AGBL4: variants seen among roughly 807,000 people sequenced by gnomAD.
AGBL4 encodes the protein cytosolic carboxypeptidase 6.
In AGBL4, 58 loss-of-function variants were observed where a neutral mutation model predicts 66.4. That is an observed-to-expected ratio of 0.87 (90% CI 0.71 to 1.09). The LOEUF is 1.09. Among genes scored for constraint, AGBL4 ranks in the 50% least tolerant of loss-of-function variants. The pLI is 0.00. For synonymous variants in AGBL4, 234 were observed against 222.9 expected, an observed-to-expected ratio of 1.05 and a Z score of -0.44; for missense variants, 579 against 631.0, an observed-to-expected ratio of 0.92 and a Z score of 0.88.
intron 2 of AGBL4, among the ~76,000 whole-genome samples, chr1:49,704,502 G>C (rs1647164218): frequency 1.3e-5 from 2 of 151,850 alleles, no homozygotes; most frequent in Admixed American, 6.6e-5. Flanking sequence ...AACATGTGTA[G>C]AAGAAAATAT....
At chr1:49,415,142 T>C (rs959532149) in intron 3 of AGBL4, among the ~76,000 whole-genome samples, 1 of 152,166 alleles carries the variant, frequency 6.6e-6, no homozygotes, top group African/African-American at 2.4e-5. Flanking sequence ...GCCCAAGGAC[T>C]GTCTCTGTCC....
chr1:48,809,739 T>C (rs1463235980), intron 6 of AGBL4, among the ~76,000 whole-genome samples: 1 of 152,180 alleles, frequency 6.6e-6, no homozygotes, highest in African/African-American at 2.4e-5. Context: ...AAACTCTAAA[T>C]TACTCTTAGG....
At position 48,594,908 on chromosome 1, in the gene AGBL4, C is replaced by T. The variant is rs542956074; in HGVS notation, c.952-3923G>A. ...TTGCCCTTCTGCATGGGTAGCTACA[C>T]GTAAAAAAATGATGATATCCTAAGA... On this transcript the variant is annotated intron_variant, in intron 9 of 13. Transcript: ENST00000371839. Among the ~76,000 whole-genome samples, 8 of 151,998 alleles carry T rather than the reference C, an allele frequency of 5.3e-5. No individual in the cohort carries two copies. In the South Asian group the frequency reaches 6.2e-4, roughly 12 times the overall value.
At chr1:49,040,349 C>T (rs1643905889) in intron 5 of AGBL4, among the ~76,000 whole-genome samples, 1 of 152,068 alleles carries the variant, frequency 6.6e-6, no homozygotes, top group African/African-American at 2.4e-5. Context: ...AAAACTGTAA[C>T]CCTCCTACAT....
chr1:48,900,304 T>G (rs886141878), intron 5 of AGBL4, among the ~76,000 whole-genome samples: 4 of 152,150 alleles, frequency 2.6e-5, no homozygotes, highest in Admixed American at 6.5e-5. Flanking sequence ...ATTAAAGAAT[T>G]TTTAAAAGAG....
chr1:49,238,672 G>T (rs866184947), intron 4 of AGBL4, among the ~76,000 whole-genome samples: 19 of 152,180 alleles, frequency 1.2e-4, no homozygotes, highest in African/African-American at 4.3e-4. Flanking sequence ...TAGAAATGTG[G>T]ATGCAGTTTA....
At chr1:49,774,466 G>A (rs968351958) in intron 2 of AGBL4, among the ~76,000 whole-genome samples, 2 of 152,164 alleles carry the variant, frequency 1.3e-5, no homozygotes, top group African/African-American at 4.8e-5. Flanking sequence ...TTTATTCAAT[G>A]TTTTGGTTCC....
chr1:49,295,230 G>A (rs1644619155), intron 3 of AGBL4, among the ~76,000 whole-genome samples: 1 of 152,118 alleles, frequency 6.6e-6, no homozygotes, highest in Non-Finnish European at 1.5e-5. Flanking sequence ...AAAATGCTAT[G>A]TACCCCCACT....
intron 3 of AGBL4, among the ~76,000 whole-genome samples, chr1:49,295,097 T>C (rs1248682236): frequency 6.6e-6 from 1 of 152,206 alleles, no homozygotes; most frequent in East Asian, 1.9e-4. Context: ...CATCCATGTC[T>C]TTGTTCTCAT....
intron 3 of AGBL4, among the ~76,000 whole-genome samples, chr1:49,518,311 TG>T (rs368193266): frequency 6.6e-6 from 1 of 152,184 alleles, no homozygotes; most frequent in Non-Finnish European, 1.5e-5. Context: ...AATCTTCCCA[TG>T]GGCGGTTTCT....
intron 6 of AGBL4, among the ~76,000 whole-genome samples, chr1:48,820,710 C>T (rs560198311): frequency 9.2e-5 from 14 of 152,270 alleles, no homozygotes; most frequent in Non-Finnish European, 1.6e-4. Flanking sequence ...GTTGGCTCTA[C>T]CTAGTTCTCA....
intron 2 of AGBL4, among the ~76,000 whole-genome samples, chr1:49,722,587 G>A (rs976333554): frequency 3.9e-5 from 6 of 152,082 alleles, no homozygotes; most frequent in African/African-American, 1.4e-4. Flanking sequence ...TGAAGGTTGA[G>A]GGACATTTTC....
At chr1:49,263,493 T>A (rs935272491) in intron 3 of AGBL4, among the ~76,000 whole-genome samples, 1 of 151,972 alleles carries the variant, frequency 6.6e-6, no homozygotes, top group African/African-American at 2.4e-5. Context: ...AGACAAGATA[T>A]AGAAGGAGGA....
chr1:49,993,879 T>C (rs1002839471), intron 1 of AGBL4, among the ~76,000 whole-genome samples: 3 of 152,156 alleles, frequency 2.0e-5, no homozygotes, highest in African/African-American at 7.2e-5. Flanking sequence ...TTTTAAGTAT[T>C]TACTATCACT....
chr1:49,133,885 A>G (rs903681204), intron 4 of AGBL4, among the ~76,000 whole-genome samples: 2 of 152,090 alleles, frequency 1.3e-5, no homozygotes, highest in Admixed American at 6.6e-5. Context: ...TATGATGTGC[A>G]TCTGTATACC....
chr1:48,635,160 G>A (rs898252684), intron 8 of AGBL4, among the ~76,000 whole-genome samples: 9 of 152,174 alleles, frequency 5.9e-5, no homozygotes, highest in African/African-American at 1.9e-4. Flanking sequence ...TTCCATGACA[G>A]GGTACAGCAG....
chr1:49,314,054 A>G (rs1215253121), intron 3 of AGBL4, among the ~76,000 whole-genome samples: 1 of 152,170 alleles, frequency 6.6e-6, no homozygotes, highest in Admixed American at 6.5e-5. Context: ...ATAAGTTGTA[A>G]GGAAGGGGTC....
At position 49,984,657 on chromosome 1, in the gene AGBL4, T is replaced by C. The variant is rs578002586; in HGVS notation, c.34+39106A>G. Reference sequence around the variant, plus strand: ...TGCAGTATGGCCACCTTGCAGGCTGTAACTCTTTAGAAGAAATAAAGTCTC... The same window carrying C: ...TGCAGTATGGCCACCTTGCAGGCTGCAACTCTTTAGAAGAAATAAAGTCTC... On this transcript the variant is annotated intron_variant, in intron 1 of 13. Coordinates refer to ENST00000371839, the MANE Select transcript of AGBL4 (RefSeq NM_032785.4). Among the ~76,000 whole-genome samples the C allele has an allele frequency of 2.0e-3, 308 of 152,356 alleles. 1 individual carries two copies. The highest frequency in any genetic ancestry group is 7.2e-3 in the African/African-American group (301 of 41,582).
chr1:49,465,604 G>A (rs972513557), intron 3 of AGBL4, among the ~76,000 whole-genome samples: 2 of 151,754 alleles, frequency 1.3e-5, no homozygotes, highest in African/African-American at 4.8e-5. Flanking sequence ...ATTATTCTAG[G>A]CTTTCAGGAG....
Sources: gnomAD v4.1 joint callset for allele counts (sites outside exome capture counted in the v4.1 genomes callset) on GRCh38, gnomAD v4.1.1 for gene constraint, MANE v1.5 for transcripts, NCBI Gene and HGNC (gene_info 2026-07-23, HGNC 2026-07-21) for gene names.